Variants in PCDH11X observed in about 807,000 individuals in gnomAD.
PCDH11X encodes the protein protocadherin-11 X-linked.
Under a neutral mutation model 53.3 loss-of-function variants are expected in PCDH11X, and 18 were observed. The ratio of observed to expected loss-of-function variants is 0.34; its 90% CI spans 0.23 to 0.50. The LOEUF (loss-of-function observed/expected upper bound fraction) is 0.50, where lower values mean the gene tolerates loss of function less well. Ranked by LOEUF, PCDH11X falls within the 20% of genes least tolerant of loss-of-function variation. PCDH11X has a pLI of 0.98. For missense variants in PCDH11X, 570 were observed against 1,032.4 expected (o/e 0.55, Z 6.14); for synonymous variants, 279 against 393.3 (o/e 0.71, Z 3.44).
chrX:92,125,317 G>T (rs1265892610), intron 6 of PCDH11X, among the ~76,000 whole-genome samples: 2 of 111,669 alleles, frequency 1.8e-5, no homozygotes, highest in Non-Finnish European at 3.8e-5. Flanking sequence ...TCCTATAAAG[G>T]TCTCAAAAAT....
chrX:91,785,865 G>A (rs1935320801), intron 1 of PCDH11X, among the ~76,000 whole-genome samples: 1 of 110,950 alleles, frequency 9.0e-6, no homozygotes, highest in Non-Finnish European at 1.9e-5. Flanking sequence ...AACATCAAAT[G>A]ACCTATGTGT....
At chrX:92,195,111 G>A (rs1327969737) in intron 6 of PCDH11X, among the ~76,000 whole-genome samples, 2 of 111,308 alleles carry the variant, frequency 1.8e-5, no homozygotes, top group Non-Finnish European at 3.8e-5. Context: ...CTTTATAAGA[G>A]CGATACAACC....
At chrX:91,873,993 T>C (rs1378929250) in intron 5 of PCDH11X, among the ~76,000 whole-genome samples, 1 of 111,109 alleles carries the variant, frequency 9.0e-6, no homozygotes, top group Admixed American at 9.6e-5. Context: ...TTTATCACAT[T>C]AGTAAAATAT....
In PCDH11X at chrX:92,621,231, G is replaced by A. The variant is rs1286611966; in HGVS notation, c.*2291G>A. On this transcript the variant is annotated 3_prime_UTR_variant, in exon 11 of 11. Transcript: ENST00000682573. The stretch of plus-strand genomic sequence containing the variant: ...AAATAACTTATCAGGCATCTCAATG[G>A]TTACTATCTATGTTAGTGAAAATCA... 1 of 103,161 alleles carries A rather than the reference G, an allele frequency of 9.7e-6. No homozygotes were observed. The allele number at this position is 103,161 out of a possible 1,213,427, so 8.5% of individuals were successfully genotyped here. A position where few individuals can be genotyped will look rare whatever the true frequency, so the allele number is the denominator to read the frequency against.
At chrX:92,573,448 G>C (rs1385120174) in intron 10 of PCDH11X, among the ~76,000 whole-genome samples, 1 of 110,859 alleles carries the variant, frequency 9.0e-6, no homozygotes, top group African/African-American at 3.3e-5. Flanking sequence ...CTTGAGTTCT[G>C]AGTGGACACT....
chrX:92,412,260 A>G (rs1208719794), intron 9 of PCDH11X, among the ~76,000 whole-genome samples: 1 of 107,820 alleles, frequency 9.3e-6, no homozygotes, highest in Non-Finnish European at 1.9e-5. Flanking sequence ...TACATGGGAT[A>G]ATAGTTCACT....
At chrX:91,837,723 T>C (rs1937355291) in intron 5 of PCDH11X, among the ~76,000 whole-genome samples, 1 of 110,789 alleles carries the variant, frequency 9.0e-6, no homozygotes, top group African/African-American at 3.3e-5. Flanking sequence ...CTTGACATAA[T>C]AAATTGAGTA....
intron 7 of PCDH11X, among the ~76,000 whole-genome samples, chrX:92,243,019 T>C (rs917070611): frequency 1.8e-5 from 2 of 110,584 alleles, no homozygotes; most frequent in South Asian, 7.6e-4. Flanking sequence ...TATTCCTTTT[T>C]TCAGATATGT....
At chrX:92,142,244 C>T (rs12387182) in intron 6 of PCDH11X, among the ~76,000 whole-genome samples, 40,838 of 106,734 alleles carry the variant, frequency 0.38, 6,707 homozygotes, top group Non-Finnish European at 0.5. Context: ...GCAACCTCCG[C>T]CTACTGGGTT....
At chrX:92,297,046 A>C (rs1274779584) in intron 8 of PCDH11X, among the ~76,000 whole-genome samples, 1 of 79,112 alleles carries the variant, frequency 1.3e-5, no homozygotes, top group Non-Finnish European at 2.4e-5. Context: ...TATGGATATT[A>C]GACCTTTGTT....
chrX:92,263,125 A>T lies in PCDH11X; in HGVS notation c.3126A>T (p.Glu1042Asp). 8.4e-7 allele frequency: 1 copy of T among 1,187,540 alleles called. No individual in the cohort carries two copies. Among genetic ancestry groups the T allele is most frequent in the Non-Finnish European group, 1.1e-6 (1 of 880,426 alleles). The part of the protein sequence containing the change: ...WIHPQPQRKS[E>D]GKVAGKSQRR... ...TTATCCTAAATCAGCGGAAATCTGA[A>T]GGGAAAGTGGCAGGAAAGGTAAGAC... Residue 1042 changes from glutamate to aspartate, a missense_variant, in exon 8 of 11, where the codon GAA (glutamate) becomes GAT (aspartate). Coordinates refer to ENST00000682573, the MANE Select transcript of PCDH11X (RefSeq NM_032968.5).
intron 7 of PCDH11X, among the ~76,000 whole-genome samples, chrX:92,260,471 G>A (rs763287883): frequency 9.0e-6 from 1 of 111,333 alleles, no homozygotes; most frequent in Admixed American, 9.5e-5. Flanking sequence ...TGGGGTTGGG[G>A]AATGGTAGCA....
intron 6 of PCDH11X, among the ~76,000 whole-genome samples, chrX:91,884,190 C>CAAAAAAAAAAA (rs34953838): frequency 5.3e-5 from 2 of 37,732 alleles, no homozygotes; most frequent in African/African-American, 2.2e-4. Flanking sequence ...GACTCCGTCT[C>CAAAAAAAAAAA]AAAAAAAAAA....
At chrX:92,181,133 G>A (rs1470100027) in intron 6 of PCDH11X, among the ~76,000 whole-genome samples, 2 of 111,258 alleles carry the variant, frequency 1.8e-5, no homozygotes, top group African/African-American at 6.5e-5. Flanking sequence ...TGAACAATAA[G>A]GTCCAGGCTG....
chrX:92,348,829 G>T (rs190107281), intron 8 of PCDH11X, among the ~76,000 whole-genome samples: 1 of 106,496 alleles, frequency 9.4e-6, no homozygotes, highest in Admixed American at 1.0e-4. Context: ...GAGCCAACAC[G>T]CCTGGCCACT....
intron 8 of PCDH11X, among the ~76,000 whole-genome samples, chrX:92,295,739 TTGTGTGTGTGTGTGTGTGTG>T (rs58402010): frequency 4.2e-5 from 3 of 71,549 alleles, no homozygotes; most frequent in African/African-American, 1.5e-4. Context: ...ACAGGTGTGT[TTGTGTGTGTGTGTGTGTGTG>T]TGTGTGTGTG....
intron 10 of PCDH11X, among the ~76,000 whole-genome samples, chrX:92,504,376 T>C (rs754326142): frequency 9.1e-6 from 1 of 109,638 alleles, no homozygotes; most frequent in South Asian, 4.0e-4. Flanking sequence ...TGGTTTCCTG[T>C]TCCTGCATTA....
intron 5 of PCDH11X, among the ~76,000 whole-genome samples, chrX:91,870,628 A>G: frequency 9.0e-6 from 1 of 110,922 alleles, no homozygotes; most frequent in South Asian, 3.8e-4. Flanking sequence ...TCCTAGTGGG[A>G]AAAAAAATAC....
chrX:92,618,361 G>A lies in PCDH11X; in HGVS notation c.3465G>A (p.Pro1155=), dbSNP rs758726877. The part of the protein sequence containing the change: ...IYGHSDACWM[P]ASLDHSSSSQ... ...GCCATTCTGATGCCTGCTGGATGCCGGCATCTCTGGATCATTCCAGCTCTT... is the reference window on the plus strand; with the variant it reads ...GCCATTCTGATGCCTGCTGGATGCCAGCATCTCTGGATCATTCCAGCTCTT... The change falls in exon 11 of 11, where the codon CCG becomes CCA. Residue 1155 remains proline, a synonymous_variant. Coordinates refer to ENST00000682573, the MANE Select transcript of PCDH11X (RefSeq NM_032968.5). The A allele has an allele frequency of 3.6e-5, 44 of 1,209,626 alleles. No homozygotes were observed. The highest frequency in any genetic ancestry group is 4.6e-5 in the Non-Finnish European group (41 of 895,064).
Sources: gnomAD v4.1 joint callset for allele counts (sites outside exome capture counted in the v4.1 genomes callset) on GRCh38, gnomAD v4.1.1 for gene constraint, MANE v1.5 for transcripts, NCBI Gene and HGNC (gene_info 2026-07-23, HGNC 2026-07-21) for gene names.